The following FAF1 variants were observed in gnomAD, a reference collection of about 807,000 sequenced individuals.
The protein encoded by FAF1 is Fas associated factor 1.
In FAF1, 25 loss-of-function variants were observed where a neutral mutation model predicts 92.5. The observed-to-expected ratio is 0.27, with a 90% CI of 0.20 to 0.38. FAF1 has a LOEUF of 0.38. FAF1 is among the 10% of genes least tolerant of loss of function. FAF1 has a pLI of 1.00. For synonymous variants in FAF1, 234 were observed against 273.2 expected, an observed-to-expected ratio of 0.86 and a Z score of 1.42; for missense variants, 636 against 793.3, an observed-to-expected ratio of 0.80 and a Z score of 2.38.
chr1:50,568,687 CAGAT>C (rs1252193967), intron 12 of FAF1, among the ~76,000 whole-genome samples: 1 of 152,152 alleles, frequency 6.6e-6, no homozygotes, highest in Non-Finnish European at 1.5e-5. Flanking sequence ...CCAAATGTCA[CAGAT>C]AGTTAGTAAC....
chr1:50,508,959 C>T (rs1385240136), intron 15 of FAF1, among the ~76,000 whole-genome samples: 1 of 152,186 alleles, frequency 6.6e-6, no homozygotes, highest in African/African-American at 2.4e-5. Context: ...CCACCTCGGC[C>T]TCCCAAAGTG....
chr1:50,601,545 G>T (rs1355720772), intron 8 of FAF1, among the ~76,000 whole-genome samples: 1 of 152,112 alleles, frequency 6.6e-6, no homozygotes, highest in African/African-American at 2.4e-5. Flanking sequence ...AGCTCGGCAT[G>T]GTGGCGGGAG....
At chr1:50,790,290 C>A (rs1237948124) in intron 3 of FAF1, among the ~76,000 whole-genome samples, 1 of 151,978 alleles carries the variant, frequency 6.6e-6, no homozygotes, top group South Asian at 2.1e-4. Context: ...TACAGGTGTG[C>A]GCCACCACGC....
intron 7 of FAF1, among the ~76,000 whole-genome samples, chr1:50,688,163 A>AAAAAT (rs1202044879): frequency 2.0e-5 from 3 of 151,954 alleles, no homozygotes; most frequent in Admixed American, 2.0e-4. Flanking sequence ...AAATAAAAAT[A>AAAAAT]AAAATAAAAT....
At chr1:50,748,413 C>T (rs1175557495) in intron 4 of FAF1, among the ~76,000 whole-genome samples, 2 of 151,412 alleles carry the variant, frequency 1.3e-5, no homozygotes, top group Non-Finnish European at 2.9e-5. Context: ...AGGAGAATCA[C>T]TTGAACCTGG....
intron 1 of FAF1, among the ~76,000 whole-genome samples, chr1:50,888,375 C>A (rs1027175948): frequency 3.3e-5 from 5 of 152,276 alleles, no homozygotes; most frequent in African/African-American, 1.2e-4. Context: ...CTTTCTTTCT[C>A]CTGCCTGATT....
intron 1 of FAF1, among the ~76,000 whole-genome samples, chr1:50,955,538 A>T (rs1645258525): frequency 6.6e-6 from 1 of 152,254 alleles, no homozygotes; most frequent in South Asian, 2.1e-4. Flanking sequence ...CTCTCCATTC[A>T]AAATTTTGGT....
rs149096276 is a variant in FAF1 at position 50,848,125 on chromosome 1, T to G, written c.114+9804A>C. 2.0e-3 allele frequency among the ~76,000 whole-genome samples: 300 copies of G among 152,064 alleles called. 1 individual carries two copies. The highest frequency in any genetic ancestry group is 6.6e-3 in the African/African-American group (272 of 41,460). On this transcript the variant is annotated intron_variant, in intron 2 of 18. Transcript: ENST00000396153. ...CAGAAAGAATATGCCAGACAAAAAC[T>G]TAAACTTATACCAAAAAATAATTTA...
rs146107170 is a variant in FAF1, at chr1:50,747,074, G to C, written c.368-2299C>G. On this transcript the variant is annotated intron_variant, in intron 4 of 18. Transcript: ENST00000396153. ...GGATGTCCAGGCAGAAGCCCTCATGGAGAATCTCTACTAGGACAGTGCAGA... is the reference window on the plus strand; with the variant it reads ...GGATGTCCAGGCAGAAGCCCTCATGCAGAATCTCTACTAGGACAGTGCAGA... Among the ~76,000 whole-genome samples, 1,296 of 152,320 alleles carry C rather than the reference G, an allele frequency of 8.5e-3. 12 individuals carry two copies. Among genetic ancestry groups the C allele is most frequent in the Middle Eastern group, 0.01 (3 of 294 alleles).
chr1:50,839,039 T>C (rs1453011731), intron 2 of FAF1, among the ~76,000 whole-genome samples: 1 of 152,130 alleles, frequency 6.6e-6, no homozygotes, highest in Non-Finnish European at 1.5e-5. Flanking sequence ...AGGTACTGCT[T>C]TTTTTGATGT....
At chr1:50,469,780 G>A (rs1646548144) in intron 18 of FAF1, among the ~76,000 whole-genome samples, 2 of 152,090 alleles carry the variant, frequency 1.3e-5, no homozygotes, top group Non-Finnish European at 2.9e-5. Flanking sequence ...GAACAGATTT[G>A]AGAGAAGTTT....
chr1:50,521,172 G>A (rs1238718843), intron 15 of FAF1, among the ~76,000 whole-genome samples: 1 of 151,826 alleles, frequency 6.6e-6, no homozygotes, highest in African/African-American at 2.4e-5. Context: ...TGCTTTTTAT[G>A]GTGAGAACTC....
At chr1:50,736,496 T>A (rs190633789) in intron 6 of FAF1, among the ~76,000 whole-genome samples, 3 of 152,220 alleles carry the variant, frequency 2.0e-5, no homozygotes, top group African/African-American at 7.2e-5. Context: ...ACGCCTGTAA[T>A]CCCAGCACTT....
intron 18 of FAF1, among the ~76,000 whole-genome samples, chr1:50,456,866 T>G (rs1646358817): frequency 6.6e-6 from 1 of 152,166 alleles, no homozygotes; most frequent in Non-Finnish European, 1.5e-5. Flanking sequence ...AGGGTGTCAA[T>G]TAGTTCCACA....
intron 1 of FAF1, among the ~76,000 whole-genome samples, chr1:50,859,911 T>C (rs956236493): frequency 6.6e-6 from 1 of 151,988 alleles, no homozygotes; most frequent in Non-Finnish European, 1.5e-5. Flanking sequence ...TAAACACTCA[T>C]GGAACAGAAT....
chr1:50,847,079 A>G (rs1170753542), intron 2 of FAF1, among the ~76,000 whole-genome samples: 1 of 152,106 alleles, frequency 6.6e-6, no homozygotes, highest in African/African-American at 2.4e-5. Context: ...TTTTGTTTTC[A>G]TTTCTTTGTC....
chr1:50,656,079 C>T (rs2124296682), intron 7 of FAF1, among the ~76,000 whole-genome samples: 1 of 152,192 alleles, frequency 6.6e-6, no homozygotes, highest in South Asian at 2.1e-4. Flanking sequence ...CACCTGTAAT[C>T]CCAGGACGTT....
At chr1:50,652,204 G>A (rs146838059) in intron 8 of FAF1, among the ~76,000 whole-genome samples, 10 of 152,284 alleles carry the variant, frequency 6.6e-5, no homozygotes, top group African/African-American at 2.4e-4. Flanking sequence ...AGAGCACCAA[G>A]TAGTATTACA....
In FAF1 at chr1:50,960,195, A is replaced by G. The variant is rs1645306285; in HGVS notation, c.-384T>C. On this transcript the variant is annotated 5_prime_UTR_variant, in exon 1 of 19. Transcript: ENST00000396153. ...CGGGGGCGGGGAAACCGAGCGAGCG[A>G]GCGGGCGGGCGAACGCCGCGGCCGC... The G allele has an allele frequency of 6.4e-6, 2 of 310,882 alleles. No individual in the cohort carries two copies. Among genetic ancestry groups the G allele is most frequent in the Admixed American group, 5.1e-5 (1 of 19,762 alleles). The allele number at this position is 310,882 out of a possible 1,614,324, so 19.3% of individuals were successfully genotyped here. A position where few individuals can be genotyped will look rare whatever the true frequency, so the allele number is the denominator to read the frequency against.
Sources: allele counts gnomAD v4.1 joint callset (sites outside exome capture counted in the v4.1 genomes callset), GRCh38; gene constraint gnomAD v4.1.1; transcripts MANE v1.5; gene names NCBI Gene and HGNC (gene_info 2026-07-23, HGNC 2026-07-21).